The following CUBN variants were observed in gnomAD, a reference collection of about 807,000 sequenced individuals.
CUBN encodes 460 kDa receptor.
A neutral mutation model predicts 405.3 loss-of-function variants in CUBN; 282 were observed. The observed-to-expected ratio is 0.70, with a 90% CI of 0.63 to 0.77. The LOEUF is 0.77. CUBN is among the 30% of genes least tolerant of loss of function. The pLI, the probability that CUBN is intolerant of heterozygous loss-of-function variation, is 0.00. For missense variants in CUBN, 4,514 were observed against 4,475.2 expected (o/e 1.01, Z -0.25); for synonymous variants, 1,684 against 1,617.0 (o/e 1.04, Z -0.99).
chr10:16,932,285 C>T (rs1360597050), intron 40 of CUBN, among the ~76,000 whole-genome samples: 8 of 152,154 alleles, frequency 5.3e-5, no homozygotes, highest in South Asian at 2.1e-4. Context: ...AAGACAAACA[C>T]GTTTCTTTTT....
chr10:16,838,747 C>A (rs545058035), intron 62 of CUBN, among the ~76,000 whole-genome samples: 8 of 152,156 alleles, frequency 5.3e-5, no homozygotes, highest in Non-Finnish European at 7.3e-5. Context: ...CAGGTTCAAG[C>A]GATTCTCCTA....
At chr10:17,112,407 T>G (rs1836791884) in intron 8 of CUBN, among the ~76,000 whole-genome samples, 1 of 152,172 alleles carries the variant, frequency 6.6e-6, no homozygotes. Context: ...GCTTTGCTGC[T>G]TATAAAATAT....
chr10:17,014,328 C>T (rs1326999547), intron 28 of CUBN, among the ~76,000 whole-genome samples: 3 of 152,150 alleles, frequency 2.0e-5, no homozygotes, highest in Non-Finnish European at 4.4e-5. Flanking sequence ...GGAGCTTTTA[C>T]TAGGGTCTGC....
At chr10:17,088,115 T>G (rs1418816606) in intron 15 of CUBN, 49 bp downstream of exon 15, 5 of 1,473,420 alleles carry the variant, frequency 3.4e-6, no homozygotes, top group Non-Finnish European at 4.7e-6. Context: ...CATAGTGCCC[T>G]GAGTCCTAAT....
In CUBN at chr10:16,901,908, TATATATATATAC is replaced by T. The variant is rs1163570302; in HGVS notation, c.8063-461_8063-450del. On this transcript the variant is annotated intron_variant, in intron 51 of 66. Coordinates refer to ENST00000377833, the MANE Select transcript of CUBN (RefSeq NM_001081.4). ...TATATAGTATATATATATATATATA[TATATATATATAC>T]ACACACACACACACACCATATATAG... Among the ~76,000 whole-genome samples, 10 of 129,364 alleles carry T rather than the reference TATATATATATAC, an allele frequency of 7.7e-5. No homozygotes were observed. In the South Asian group the frequency reaches 1.4e-3, roughly 18 times the overall value. The allele number at this position is 129,364 out of a possible 152,430, so 84.9% of individuals were successfully genotyped here. A position where few individuals can be genotyped will look rare whatever the true frequency, so the allele number is the denominator to read the frequency against.
intron 17 of CUBN, 102 bp downstream of exon 17, chr10:17,084,169 T>C: frequency 1.7e-6 from 2 of 1,145,080 alleles, no homozygotes; most frequent in Non-Finnish European, 2.6e-6. Flanking sequence ...TCTCAGGTAT[T>C]CTGGCTGCTG....
chr10:17,006,210 T>C (rs1834020764), intron 28 of CUBN, among the ~76,000 whole-genome samples: 1 of 152,194 alleles, frequency 6.6e-6, no homozygotes, highest in African/African-American at 2.4e-5. Context: ...ATGTGCTGGA[T>C]GGTTGGTTGA....
chr10:17,074,168 A>G lies in CUBN; in HGVS notation c.2302-2197T>C, dbSNP rs188585567. Among the ~76,000 whole-genome samples the G allele has an allele frequency of 2.8e-3, 419 of 152,362 alleles. 1 individual carries two copies. Among genetic ancestry groups the G allele is most frequent in the African/African-American group, 9.4e-3 (390 of 41,598 alleles). ...CAGGTGACAATACCATGAAACAGTC[A>G]CTGCTCACAAGGAACTTACAATAGG... On this transcript the variant is annotated intron_variant, in intron 17 of 66. Transcript: ENST00000377833.
chr10:16,904,030 C>T lies in CUBN; in HGVS notation c.7998G>A (p.Trp2666Ter), dbSNP rs1564414673. 6.2e-7 allele frequency: 1 copy of T among 1,612,852 alleles called. No individual in the cohort carries two copies. The highest frequency in any genetic ancestry group is 2.2e-5 in the East Asian group (1 of 44,856). The part of the protein sequence containing the change: ...LPLVIPYSQV[W>*]IHFVTNERVE... ...CACGTTCGTTGGTGACAAAGTGAAT[C>T]CATACCTGAGAATAAGGTATAACCA... The change falls in exon 51 of 67, where the codon TGG becomes TGA. Residue 2666 changes from tryptophan to a stop codon, truncating the protein, a stop_gained. Coordinates refer to ENST00000377833, the MANE Select transcript of CUBN (RefSeq NM_001081.4). LOFTEE classifies it high-confidence loss of function.
At chr10:17,057,448 T>C (rs551424034) in intron 22 of CUBN, among the ~76,000 whole-genome samples, 179 of 152,218 alleles carry the variant, frequency 1.2e-3, no homozygotes, top group Admixed American at 4.4e-3. Flanking sequence ...TTCCATCTGG[T>C]CTGGTGTGGA....
chr10:17,121,643 A>G (rs1246596356), intron 6 of CUBN, among the ~76,000 whole-genome samples: 2 of 152,076 alleles, frequency 1.3e-5, no homozygotes, highest in African/African-American at 4.8e-5. Flanking sequence ...ACATGTATAC[A>G]TAAGTAACAA....
At position 16,899,199 on chromosome 10, in the gene CUBN, G is replaced by A; in HGVS notation, c.8411-16C>T. The A allele has an allele frequency of 6.2e-7, 1 of 1,606,334 alleles. No homozygotes were observed. On this transcript the variant is annotated splice_polypyrimidine_tract_variant and intron_variant, in intron 53 of 66. Coordinates refer to ENST00000377833, the MANE Select transcript of CUBN (RefSeq NM_001081.4). ...CCACCACAACCTGAAATATTGCCAT[G>A]TAAAAAGCCATCAATCAGCAAGGAA...
intron 60 of CUBN, among the ~76,000 whole-genome samples, chr10:16,850,230 A>G (rs897891597): frequency 1.3e-5 from 2 of 152,200 alleles, no homozygotes; most frequent in African/African-American, 4.8e-5. Flanking sequence ...AATGCTGACT[A>G]TCCTGAACTA....
At chr10:17,116,815 G>C (rs886417976) in intron 6 of CUBN, among the ~76,000 whole-genome samples, 3 of 152,182 alleles carry the variant, frequency 2.0e-5, no homozygotes, top group Non-Finnish European at 2.9e-5. Flanking sequence ...GGAGAGCAAT[G>C]AGTGTGGCCA....
intron 17 of CUBN, among the ~76,000 whole-genome samples, chr10:17,083,432 GA>G (rs1836016159): frequency 6.6e-6 from 1 of 152,098 alleles, no homozygotes; most frequent in African/African-American, 2.4e-5. Context: ...TTGAACTCAG[GA>G]GGCAGAGGTT....
intron 27 of CUBN, among the ~76,000 whole-genome samples, chr10:17,020,394 T>C (rs1171483973): frequency 3.3e-5 from 5 of 152,188 alleles, no homozygotes; most frequent in Non-Finnish European, 7.3e-5. Flanking sequence ...ATAGTAGGTG[T>C]ATATATTTAT....
At chr10:17,123,734 A>G (rs746605922) in intron 4 of CUBN, 45 bp from the exon 5 acceptor site, 8 of 1,397,736 alleles carry the variant, frequency 5.7e-6, no homozygotes, top group Non-Finnish European at 5.1e-6. Context: ...TGCAGTCAGC[A>G]GCAACAAAAC....
chr10:16,872,641 A>G (rs1354684563), intron 58 of CUBN, among the ~76,000 whole-genome samples: 1 of 152,182 alleles, frequency 6.6e-6, no homozygotes, highest in Non-Finnish European at 1.5e-5. Flanking sequence ...ATCTGCCTCG[A>G]CCTTGGACTT....
At chr10:16,847,575 T>G (rs1839554972) in intron 60 of CUBN, among the ~76,000 whole-genome samples, 1 of 152,218 alleles carries the variant, frequency 6.6e-6, no homozygotes, top group African/African-American at 2.4e-5. Flanking sequence ...TACTAGCAGC[T>G]CCTCAAGAAG....
Sources: gnomAD v4.1 joint callset for allele counts (sites outside exome capture counted in the v4.1 genomes callset) on GRCh38, gnomAD v4.1.1 for gene constraint, MANE v1.5 for transcripts, NCBI Gene and HGNC (gene_info 2026-07-23, HGNC 2026-07-21) for gene names.